Variants in SLC16A7 observed in about 807,000 individuals in gnomAD.
SLC16A7 encodes solute carrier family 16 member 7, also known as monocarboxylate transporter 2.
SLC16A7 carries 33 observed loss-of-function variants against 34.9 expected under a neutral mutation model. That is an observed-to-expected ratio of 0.94 (90% CI 0.72 to 1.26). The LOEUF (loss-of-function observed/expected upper bound fraction) is 1.26, where lower values mean the gene tolerates loss of function less well. SLC16A7 is among the 50% of genes most tolerant of loss of function. The pLI, the probability that SLC16A7 is intolerant of heterozygous loss-of-function variation, is 0.00. For missense variants in SLC16A7, 573 were observed against 578.1 expected (o/e 0.99, Z 0.09); for synonymous variants, 201 against 206.6 (o/e 0.97, Z 0.23).
chr12:59,762,374 A>C (rs2137395784), intron 3 of SLC16A7, among the ~76,000 whole-genome samples: 1 of 152,208 alleles, frequency 6.6e-6, no homozygotes, highest in South Asian at 2.1e-4. Flanking sequence ...GTACGTTTCT[A>C]TTATTATACT....
chr12:59,695,548 A>T (rs531834322), intron 2 of SLC16A7, among the ~76,000 whole-genome samples: 41 of 152,102 alleles, frequency 2.7e-4, no homozygotes, highest in African/African-American at 9.4e-4. Context: ...CTTTACTCAT[A>T]GTCTTCCTAG....
At chr12:59,624,739 TGTGTG>T (rs1015962990) in intron 1 of SLC16A7, among the ~76,000 whole-genome samples, 1 of 72,544 alleles carries the variant, frequency 1.4e-5, no homozygotes, top group African/African-American at 8.2e-5. Context: ...CATTGTTAGT[TGTGTG>T]TGTGTGTGTG....
At chr12:59,610,969 G>A (rs112368111) in intron 1 of SLC16A7, among the ~76,000 whole-genome samples, 28 of 152,216 alleles carry the variant, frequency 1.8e-4, no homozygotes, top group African/African-American at 6.3e-4. Flanking sequence ...CCAAGATCAA[G>A]CTGGTGGCAG....
At chr12:59,697,200 C>T (rs1313326205) in intron 2 of SLC16A7, among the ~76,000 whole-genome samples, 2 of 151,898 alleles carry the variant, frequency 1.3e-5, no homozygotes, top group African/African-American at 4.8e-5. Context: ...ATCAGAATTC[C>T]TAGGTGATAT....
chr12:59,620,833 C>G (rs1022022449), intron 1 of SLC16A7, among the ~76,000 whole-genome samples: 2 of 151,854 alleles, frequency 1.3e-5, no homozygotes, highest in African/African-American at 4.8e-5. Context: ...CCACTCCAAA[C>G]TGGGAGAAAT....
intron 2 of SLC16A7, among the ~76,000 whole-genome samples, chr12:59,698,930 T>A (rs1202708297): frequency 6.6e-6 from 1 of 151,748 alleles, no homozygotes. Flanking sequence ...AGTACATATT[T>A]ATACACGTAA....
chr12:59,618,217 A>G (rs920747222), intron 1 of SLC16A7, among the ~76,000 whole-genome samples: 2 of 151,906 alleles, frequency 1.3e-5, no homozygotes, highest in Non-Finnish European at 2.9e-5. Flanking sequence ...TCAGCTACAC[A>G]ACTCAGCATC....
Position 59,636,717 on chromosome 12 carries a change from A to G in SLC16A7, c.-129-18435A>G, listed in dbSNP as rs553135620. 2.0e-5 allele frequency among the ~76,000 whole-genome samples: 3 copies of G among 152,258 alleles called. No homozygotes were observed. In the East Asian group the frequency reaches 5.8e-4, roughly 30 times the overall value. ...GACAAATTCAGCTGGAGAGACAATA[A>G]GTAGTACATACATTTGGAGATATAT... On this transcript the variant is annotated intron_variant, in intron 1 of 5. Coordinates refer to ENST00000547379, the MANE Select transcript of SLC16A7 (RefSeq NM_001270623.2).
intron 1 of SLC16A7, among the ~76,000 whole-genome samples, chr12:59,602,387 A>G (rs1313658645): frequency 1.3e-5 from 2 of 149,990 alleles, no homozygotes; most frequent in South Asian, 4.2e-4. Flanking sequence ...TTATTTTGTT[A>G]CTTCTCTCAC....
At chr12:59,678,572 C>G (rs1479625807) in intron 2 of SLC16A7, among the ~76,000 whole-genome samples, 1 of 152,136 alleles carries the variant, frequency 6.6e-6, no homozygotes, top group Non-Finnish European at 1.5e-5. Context: ...CCCATCGTCT[C>G]TTTGAGTCTA....
chr12:59,649,231 T>C (rs1356314740), intron 1 of SLC16A7, among the ~76,000 whole-genome samples: 1 of 151,844 alleles, frequency 6.6e-6, no homozygotes, highest in Non-Finnish European at 1.5e-5. Context: ...AGTCATAGAG[T>C]GTACAATGGA....
At chr12:59,753,440 G>A (rs1352521280) in intron 3 of SLC16A7, among the ~76,000 whole-genome samples, 3 of 152,184 alleles carry the variant, frequency 2.0e-5, no homozygotes, top group East Asian at 1.9e-4. Flanking sequence ...AACAAAAAAA[G>A]GCAGGGGTTG....
Position 59,771,367 on chromosome 12 carries a change from G to A in SLC16A7, c.361+5G>A. 3.8e-6 allele frequency: 6 copies of A among 1,581,686 alleles called. No homozygotes were observed. Among genetic ancestry groups the A allele is most frequent in the Non-Finnish European group, 5.2e-6 (6 of 1,163,784 alleles). ...TCACTATGGGATTCATTACAGGTAA[G>A]CCATTTAGTCTTCAGCTTATTCTTA... On this transcript the variant is annotated splice_donor_5th_base_variant and intron_variant, in intron 4 of 5. Coordinates refer to ENST00000547379, the MANE Select transcript of SLC16A7 (RefSeq NM_001270623.2).
At chr12:59,640,521 G>GA (rs113714385) in intron 1 of SLC16A7, among the ~76,000 whole-genome samples, 43,027 of 151,492 alleles carry the variant, frequency 0.28, 7,659 homozygotes, top group East Asian at 0.66. Context: ...GTGACATTCT[G>GA]AAAAAGAAAG....
rs1302390626 is a variant in SLC16A7 at position 59,787,724 on chromosome 12, T to G, written c.*8045T>G. 2 of 152,196 alleles carry G rather than the reference T, an allele frequency of 1.3e-5. No individual in the cohort carries two copies. The highest frequency in any genetic ancestry group is 4.8e-5 in the African/African-American group (2 of 41,462). The allele number at this position is 152,196 out of a possible 1,614,324, so 9.4% of individuals were successfully genotyped here. Reference sequence around the variant, plus strand: ...TCATGTATCGCAGTAAAATCTTTTATGAATTGGGTGGGCCCTAAAAACATC... The same window carrying G: ...TCATGTATCGCAGTAAAATCTTTTAGGAATTGGGTGGGCCCTAAAAACATC... On this transcript the variant is annotated 3_prime_UTR_variant, in exon 6 of 6. Transcript: ENST00000547379.
At chr12:59,733,713 C>T (rs1877236623) in intron 3 of SLC16A7, 1 of 455,928 alleles carries the variant, frequency 2.2e-6, no homozygotes, top group Non-Finnish European at 4.4e-6. Flanking sequence ...TCCCGCCATT[C>T]AGCAGGTCCC....
chr12:59,645,107 T>G (rs1055302471), intron 1 of SLC16A7, among the ~76,000 whole-genome samples: 26 of 152,264 alleles, frequency 1.7e-4, no homozygotes, highest in African/African-American at 6.3e-4. Context: ...GGGAGAAACC[T>G]TTAAATTGGG....
Position 59,787,797 on chromosome 12 carries a change from A to G in SLC16A7, c.*8118A>G, listed in dbSNP as rs1261243627. On this transcript the variant is annotated 3_prime_UTR_variant, in exon 6 of 6. Coordinates refer to ENST00000547379, the MANE Select transcript of SLC16A7 (RefSeq NM_001270623.2). ...TAGATTCAGCCAAACCGACACCCGT[A>G]TGCTAAGACTGCATTGTCATTCTGA... 1 of 152,236 alleles carries G rather than the reference A, an allele frequency of 6.6e-6. No homozygotes were observed. Among genetic ancestry groups the G allele is most frequent in the Non-Finnish European group, 1.5e-5 (1 of 68,042 alleles). 9.4% of individuals were successfully genotyped at this position (152,236 alleles called of 1,614,324 possible). A position where few individuals can be genotyped will look rare whatever the true frequency, so the allele number is the denominator to read the frequency against.
chr12:59,613,245 T>C (rs1879283705), intron 1 of SLC16A7, among the ~76,000 whole-genome samples: 2 of 152,152 alleles, frequency 1.3e-5, no homozygotes, highest in African/African-American at 2.4e-5. Context: ...AAATGCCCCT[T>C]ATAAAACCAT....
Sources: allele counts gnomAD v4.1 joint callset (sites outside exome capture counted in the v4.1 genomes callset), GRCh38; gene constraint gnomAD v4.1.1; transcripts MANE v1.5; gene names NCBI Gene and HGNC (gene_info 2026-07-23, HGNC 2026-07-21).